JAKMIP2: variants seen among roughly 807,000 people sequenced by gnomAD.
JAKMIP2 encodes the protein janus kinase and microtubule interacting protein 2, also known as janus kinase and microtubule-interacting protein 2.
JAKMIP2 carries 25 observed loss-of-function variants against 115.0 expected under a neutral mutation model. The observed-to-expected ratio is 0.22, with a 90% CI of 0.16 to 0.30. The LOEUF is 0.30. Ranked by LOEUF, JAKMIP2 falls within the 10% of genes least tolerant of loss-of-function variation. JAKMIP2 has a pLI of 1.00. For missense variants in JAKMIP2, 642 were observed against 957.6 expected, an observed-to-expected ratio of 0.67 and a Z score of 4.35; for synonymous variants, 334 against 343.6, an observed-to-expected ratio of 0.97 and a Z score of 0.31.
intron 1 of JAKMIP2, among the ~76,000 whole-genome samples, chr5:147,761,126 C>T (rs901864457): frequency 1.3e-5 from 2 of 151,970 alleles, no homozygotes; most frequent in African/African-American, 2.4e-5. Flanking sequence ...TGTAAAGTAA[C>T]GGATTCTCAA....
intron 1 of JAKMIP2, among the ~76,000 whole-genome samples, chr5:147,676,410 A>C (rs1464035940): frequency 6.6e-6 from 1 of 152,224 alleles, no homozygotes; most frequent in African/African-American, 2.4e-5. Flanking sequence ...GGACACTCCG[A>C]GAGTCCTTGC....
intron 1 of JAKMIP2, among the ~76,000 whole-genome samples, chr5:147,688,784 C>G (rs1472129658): frequency 6.6e-6 from 1 of 152,160 alleles, no homozygotes; most frequent in East Asian, 1.9e-4. Context: ...GTGCTCTGTT[C>G]TAAAATCAGC....
rs1165228806 is a variant in JAKMIP2 at position 147,779,934 on chromosome 5, C to T, written c.-149+2522G>A. ...TCACACTTACTATGAGGAACTTCTA[C>T]ATTTGCATATTTCTCATCTTCATAA... is the stretch of plus-strand genomic sequence containing the variant. On this transcript the variant is annotated intron_variant, in intron 1 of 21. Coordinates refer to ENST00000616793, the MANE Select transcript of JAKMIP2 (RefSeq NM_001270941.2). Among the ~76,000 whole-genome samples the T allele has an allele frequency of 2.0e-5, 3 of 152,136 alleles. No individual in the cohort carries two copies. In the East Asian group the frequency reaches 5.8e-4, roughly 29 times the overall value.
intron 3 of JAKMIP2, among the ~76,000 whole-genome samples, chr5:147,659,036 T>G (rs539763698): frequency 1.3e-5 from 2 of 151,640 alleles, no homozygotes; most frequent in African/African-American, 4.8e-5. Context: ...CAGCCCCCTT[T>G]CCAGGAGATT....
chr5:147,713,785 T>G (rs1752868410), intron 1 of JAKMIP2, among the ~76,000 whole-genome samples: 1 of 152,136 alleles, frequency 6.6e-6, no homozygotes, highest in South Asian at 2.1e-4. Flanking sequence ...TAATGGGGGC[T>G]AGATGGAAAT....
intron 1 of JAKMIP2, among the ~76,000 whole-genome samples, chr5:147,699,052 C>T (rs1479812135): frequency 6.6e-6 from 1 of 152,192 alleles, no homozygotes. Flanking sequence ...TTTGTCTATG[C>T]TCTTCTATCC....
At position 147,684,009 on chromosome 5, in the gene JAKMIP2, C is replaced by G. The variant is rs144205886; in HGVS notation, c.-148-12055G>C. Among the ~76,000 whole-genome samples, 3 of 152,160 alleles carry G rather than the reference C, an allele frequency of 2.0e-5. No individual in the cohort carries two copies. In the East Asian group the frequency reaches 5.8e-4, roughly 29 times the overall value. On this transcript the variant is annotated intron_variant, in intron 1 of 21. Transcript: ENST00000616793. ...TATAGGAATAAATTACAGAGCAATACAGATCTGTTTTTAACACTGAGGATT... is the reference window on the plus strand; with the variant it reads ...TATAGGAATAAATTACAGAGCAATAGAGATCTGTTTTTAACACTGAGGATT...
chr5:147,704,064 T>C (rs1417702099), intron 1 of JAKMIP2, among the ~76,000 whole-genome samples: 1 of 152,088 alleles, frequency 6.6e-6, no homozygotes, highest in Non-Finnish European at 1.5e-5. Flanking sequence ...GGCAATAACA[T>C]GCATGGAACT....
intron 2 of JAKMIP2, among the ~76,000 whole-genome samples, chr5:147,670,222 C>A (rs191569315): frequency 2.0e-5 from 3 of 152,124 alleles, no homozygotes; most frequent in East Asian, 3.9e-4. Context: ...CCAAAGGCCA[C>A]TTATTATTGT....
At chr5:147,772,072 A>G (rs1007175992) in intron 1 of JAKMIP2, among the ~76,000 whole-genome samples, 1 of 152,134 alleles carries the variant, frequency 6.6e-6, no homozygotes, top group Non-Finnish European at 1.5e-5. Flanking sequence ...ACATATTAAT[A>G]TATAATATCT....
intron 3 of JAKMIP2, among the ~76,000 whole-genome samples, chr5:147,658,110 T>C (rs1366197508): frequency 1.3e-5 from 2 of 152,126 alleles, no homozygotes; most frequent in Non-Finnish European, 2.9e-5. Context: ...ATTTTCGGTG[T>C]TTTTTCCTCA....
At chr5:147,733,799 C>CT (rs36078808) in intron 1 of JAKMIP2, among the ~76,000 whole-genome samples, 15 of 152,156 alleles carry the variant, frequency 9.9e-5, no homozygotes. Context: ...CAAACTCATC[C>CT]TTTTTTATGG....
At chr5:147,771,824 T>C (rs1755367246) in intron 1 of JAKMIP2, among the ~76,000 whole-genome samples, 1 of 152,148 alleles carries the variant, frequency 6.6e-6, no homozygotes, top group Admixed American at 6.6e-5. Context: ...GGGCTAACAA[T>C]TGGAAGCCTA....
intron 7 of JAKMIP2, among the ~76,000 whole-genome samples, chr5:147,642,227 C>T (rs920564579): frequency 2.6e-5 from 4 of 152,196 alleles, no homozygotes; most frequent in Non-Finnish European, 4.4e-5. Flanking sequence ...TCCTTGTTCT[C>T]ACCTGCAGTC....
intron 20 of JAKMIP2, among the ~76,000 whole-genome samples, chr5:147,602,571 T>C (rs1350539234): frequency 6.6e-6 from 1 of 152,202 alleles, no homozygotes; most frequent in African/African-American, 2.4e-5. Flanking sequence ...GTCTGATTTG[T>C]TTCTCTTCAC....
At position 147,637,115 on chromosome 5, in the gene JAKMIP2, C is replaced by T; in HGVS notation, c.1531-67G>A. 1.1e-5 allele frequency: 9 copies of T among 826,758 alleles called. No homozygotes were observed. In the Admixed American group the frequency reaches 1.7e-4, roughly 15 times the overall value. 51.2% of individuals were successfully genotyped at this position (826,758 alleles called of 1,614,324 possible). A position where few individuals can be genotyped will look rare whatever the true frequency, so the allele number is the denominator to read the frequency against. On this transcript the variant is annotated intron_variant, in intron 10 of 21. Coordinates refer to ENST00000616793, the MANE Select transcript of JAKMIP2 (RefSeq NM_001270941.2). ...TATTCAATACCTTTCTTGACTAGAA[C>T]TCAACAAGTAAGAGAGAGAGAGAGG...
intron 1 of JAKMIP2, among the ~76,000 whole-genome samples, chr5:147,726,878 C>T (rs923459806): frequency 1.3e-5 from 2 of 152,120 alleles, no homozygotes; most frequent in African/African-American, 4.8e-5. Flanking sequence ...TGTAGTTAGC[C>T]CCAAAAATTA....
intron 1 of JAKMIP2, among the ~76,000 whole-genome samples, chr5:147,701,399 A>T (rs1239309222): frequency 6.6e-6 from 1 of 152,124 alleles, no homozygotes; most frequent in Non-Finnish European, 1.5e-5. Flanking sequence ...TGTGAGCAAA[A>T]GTTACTTGTT....
intron 20 of JAKMIP2, among the ~76,000 whole-genome samples, chr5:147,606,483 C>T (rs867853142): frequency 3.9e-5 from 6 of 152,042 alleles, no homozygotes; most frequent in South Asian, 4.1e-4. Flanking sequence ...GTCAAAGATC[C>T]GATGGTTGTA....
Sources: allele counts gnomAD v4.1 joint callset (sites outside exome capture counted in the v4.1 genomes callset), GRCh38; gene constraint gnomAD v4.1.1; transcripts MANE v1.5; gene names NCBI Gene and HGNC (gene_info 2026-07-23, HGNC 2026-07-21).